SEMA6D: variants seen among roughly 807,000 people sequenced by gnomAD.
SEMA6D encodes semaphorin-6D.
SEMA6D carries 35 observed loss-of-function variants against 106.6 expected under a neutral mutation model. The ratio of observed to expected loss-of-function variants is 0.33; its 90% CI spans 0.25 to 0.44. The LOEUF (loss-of-function observed/expected upper bound fraction) is 0.44, where lower values mean the gene tolerates loss of function less well. SEMA6D is among the 20% of genes least tolerant of loss of function. The pLI is 1.00. For missense variants in SEMA6D, 1,185 were observed against 1,345.9 expected (o/e 0.88, Z 1.87); for synonymous variants, 499 against 487.7 (o/e 1.02, Z -0.31).
intron 3 of SEMA6D, among the ~76,000 whole-genome samples, chr15:47,593,048 C>T (rs1032795249): frequency 6.6e-6 from 1 of 152,100 alleles, no homozygotes; most frequent in Non-Finnish European, 1.5e-5. Context: ...TGTGAAGTGT[C>T]CTTGACTCTA....
At chr15:47,405,293 A>G (rs1351025782) in intron 1 of SEMA6D, among the ~76,000 whole-genome samples, 1 of 152,034 alleles carries the variant, frequency 6.6e-6, no homozygotes, top group Non-Finnish European at 1.5e-5. Flanking sequence ...CAAAATTTGG[A>G]GAGCTGGTGG....
At chr15:47,699,826 A>G (rs751243562) in intron 4 of SEMA6D, among the ~76,000 whole-genome samples, 74 of 152,250 alleles carry the variant, frequency 4.9e-4, no homozygotes, top group Non-Finnish European at 9.0e-4. Flanking sequence ...AAAAACAATA[A>G]TATGAAATAA....
intron 1 of SEMA6D, among the ~76,000 whole-genome samples, chr15:47,741,828 C>T (rs8029928): frequency 0.31 from 46,877 of 152,030 alleles, 8,023 homozygotes; most frequent in African/African-American, 0.44. Flanking sequence ...TTATTTCTAC[C>T]AATAAGCCAT....
chr15:47,548,433 A>G (rs556194624), intron 3 of SEMA6D, among the ~76,000 whole-genome samples: 1 of 152,266 alleles, frequency 6.6e-6, no homozygotes, highest in East Asian at 1.9e-4. Flanking sequence ...AAGCAAACAC[A>G]GAAATGGGGA....
chr15:47,282,494 A>G (rs974498976), intron 1 of SEMA6D, among the ~76,000 whole-genome samples: 6 of 152,162 alleles, frequency 3.9e-5, no homozygotes, highest in African/African-American at 1.2e-4. Context: ...TTAGGTGCCT[A>G]CTATCGTGAG....
intron 3 of SEMA6D, among the ~76,000 whole-genome samples, chr15:47,576,864 G>A (rs989757616): frequency 2.6e-5 from 4 of 152,192 alleles, no homozygotes; most frequent in African/African-American, 9.7e-5. Context: ...GATCTGAGCA[G>A]TTAGATGTTT....
intron 3 of SEMA6D, among the ~76,000 whole-genome samples, chr15:47,569,966 C>T (rs1238275748): frequency 1.9e-4 from 29 of 151,522 alleles, no homozygotes; most frequent in Admixed American, 1.6e-3. Flanking sequence ...GAGGCTGAGG[C>T]GGGAGAATTG....
intron 2 of SEMA6D, among the ~76,000 whole-genome samples, chr15:47,464,513 A>G (rs745323455): frequency 9.9e-5 from 15 of 152,058 alleles, no homozygotes; most frequent in Non-Finnish European, 1.8e-4. Flanking sequence ...CTCCCAGATC[A>G]GCCAACAGTG....
At chr15:47,630,416 C>T (rs1181162837) in intron 4 of SEMA6D, among the ~76,000 whole-genome samples, 2 of 151,738 alleles carry the variant, frequency 1.3e-5, no homozygotes, top group African/African-American at 4.8e-5. Context: ...CCACATTGTT[C>T]GTTGTTATGT....
chr15:47,238,181 A>G (rs941384905), intron 1 of SEMA6D, among the ~76,000 whole-genome samples: 1 of 152,156 alleles, frequency 6.6e-6, no homozygotes, highest in Non-Finnish European at 1.5e-5. Flanking sequence ...AGGTTGCAGG[A>G]AGAAAATGTT....
At chr15:47,737,012 T>TG (rs1209065592) in intron 1 of SEMA6D, among the ~76,000 whole-genome samples, 2 of 152,192 alleles carry the variant, frequency 1.3e-5, no homozygotes, top group Admixed American at 1.3e-4. Flanking sequence ...AAATAGGAAT[T>TG]GCTGTTGCTA....
At chr15:47,367,074 T>C (rs189848981) in intron 1 of SEMA6D, among the ~76,000 whole-genome samples, 1 of 152,314 alleles carries the variant, frequency 6.6e-6, no homozygotes, top group East Asian at 1.9e-4. Flanking sequence ...ATCAGCTCTT[T>C]AACGGAATTA....
chr15:47,186,051 GTATA>G (rs1254481896), intron 1 of SEMA6D, among the ~76,000 whole-genome samples: 4 of 151,956 alleles, frequency 2.6e-5, no homozygotes, highest in East Asian at 1.9e-4. Flanking sequence ...ATATATATGT[GTATA>G]TATGTATGTA....
intron 1 of SEMA6D, among the ~76,000 whole-genome samples, chr15:47,249,759 A>G (rs1283027676): frequency 6.6e-6 from 1 of 152,172 alleles, no homozygotes; most frequent in Non-Finnish European, 1.5e-5. Context: ...GCATGGGGAA[A>G]AATATTCTGT....
At chr15:47,528,770 T>C (rs535251619) in intron 3 of SEMA6D, among the ~76,000 whole-genome samples, 7 of 152,304 alleles carry the variant, frequency 4.6e-5, no homozygotes, top group African/African-American at 1.7e-4. Context: ...TTATCCTGGC[T>C]GGCCCTTTGA....
At chr15:47,730,317 A>T in intron 1 of SEMA6D, 2 of 1,506,240 alleles carry the variant, frequency 1.3e-6, no homozygotes, top group Non-Finnish European at 1.8e-6. Context: ...TTGTCTTCCG[A>T]GTTCACCTGT....
At chr15:47,283,632 C>G (rs1458845088) in intron 1 of SEMA6D, among the ~76,000 whole-genome samples, 5 of 152,212 alleles carry the variant, frequency 3.3e-5, no homozygotes. Flanking sequence ...AGTGGGTGGG[C>G]TGAGGCTCGG....
chr15:47,348,760 A>AGAGAGAGAGAGAGAGATT (rs1278377247), intron 1 of SEMA6D, among the ~76,000 whole-genome samples: 7 of 115,980 alleles, frequency 6.0e-5, no homozygotes, highest in African/African-American at 1.9e-4. Flanking sequence ...AGAGAGAGAG[A>AGAGAGAGAGAGAGAGATT]GAGAGATTTT....
At chr15:47,495,498 T>A (rs1358263376) in intron 3 of SEMA6D, among the ~76,000 whole-genome samples, 1 of 152,018 alleles carries the variant, frequency 6.6e-6, no homozygotes, top group Non-Finnish European at 1.5e-5. Flanking sequence ...TTACTATTTA[T>A]GTTAAAACTC....
Sources: allele counts gnomAD v4.1 joint callset (sites outside exome capture counted in the v4.1 genomes callset), GRCh38; gene constraint gnomAD v4.1.1; transcripts MANE v1.5; gene names NCBI Gene and HGNC (gene_info 2026-07-23, HGNC 2026-07-21).